Variants in CSGALNACT1 observed in about 807,000 individuals in gnomAD.
The protein encoded by CSGALNACT1 is chondroitin sulfate N-acetylgalactosaminyltransferase 1.
A neutral mutation model predicts 51.0 loss-of-function variants in CSGALNACT1; 52 were observed. The ratio of observed to expected loss-of-function variants is 1.02; its 90% CI spans 0.82 to 1.29. The LOEUF (loss-of-function observed/expected upper bound fraction) is 1.29. CSGALNACT1 is among the 50% of genes most tolerant of loss of function. The pLI is 0.00. For synonymous variants in CSGALNACT1, 341 were observed against 254.4 expected, an observed-to-expected ratio of 1.34 and a Z score of -3.24; for missense variants, 935 against 679.2, an observed-to-expected ratio of 1.38 and a Z score of -4.19.
intron 1 of CSGALNACT1, among the ~76,000 whole-genome samples, chr8:19,612,142 A>C (rs2052350276): frequency 6.6e-6 from 1 of 152,104 alleles, no homozygotes; most frequent in Non-Finnish European, 1.5e-5. Flanking sequence ...CAGGAGCTCG[A>C]GACCTGCCTA....
At chr8:19,741,406 T>C (rs1417831225) in intron 1 of CSGALNACT1, among the ~76,000 whole-genome samples, 8 of 151,850 alleles carry the variant, frequency 5.3e-5, no homozygotes, top group African/African-American at 1.9e-4. Context: ...CTACTAAAAA[T>C]ACAAAAATTA....
chr8:19,494,469 T>C (rs1392313510), intron 4 of CSGALNACT1, among the ~76,000 whole-genome samples: 1 of 152,192 alleles, frequency 6.6e-6, no homozygotes, highest in Non-Finnish European at 1.5e-5. Context: ...TCCTTACCTG[T>C]GTACATGGGT....
chr8:19,604,871 C>T (rs1273063527), upstream of CSGALNACT1, among the ~76,000 whole-genome samples: 1 of 148,254 alleles, frequency 6.7e-6, no homozygotes, highest in African/African-American at 2.5e-5. Flanking sequence ...GCCAAGATCG[C>T]GCCACTGCCC....
intron 3 of CSGALNACT1, among the ~76,000 whole-genome samples, chr8:19,564,113 G>T (rs186845206): frequency 2.0e-5 from 3 of 152,116 alleles, no homozygotes; most frequent in Admixed American, 1.3e-4. Flanking sequence ...CAGTTAAAAC[G>T]CTTCTTTCAC....
At chr8:19,431,616 A>G (rs1464885292) in intron 6 of CSGALNACT1, among the ~76,000 whole-genome samples, 1 of 151,984 alleles carries the variant, frequency 6.6e-6, no homozygotes, top group African/African-American at 2.4e-5. Context: ...ATACTGATCT[A>G]TAGTTTTCTT....
At chr8:19,438,907 A>G (rs1202503592) in intron 6 of CSGALNACT1, among the ~76,000 whole-genome samples, 1 of 152,234 alleles carries the variant, frequency 6.6e-6, no homozygotes, top group Non-Finnish European at 1.5e-5. Flanking sequence ...TTACCCTTCG[A>G]CTATCATCCT....
At chr8:19,620,626 G>A (rs952231813) in intron 1 of CSGALNACT1, among the ~76,000 whole-genome samples, 2 of 151,832 alleles carry the variant, frequency 1.3e-5, no homozygotes, top group African/African-American at 4.8e-5. Flanking sequence ...TTGAGATGGG[G>A]GTCTCACTAC....
chr8:19,606,008 C>A (rs1436097285), upstream of CSGALNACT1, among the ~76,000 whole-genome samples: 1 of 152,184 alleles, frequency 6.6e-6, no homozygotes, highest in Non-Finnish European at 1.5e-5. Flanking sequence ...AAATATCCAT[C>A]CAGCTGCCTT....
At chr8:19,582,894 G>C (rs915135544) in intron 3 of CSGALNACT1, among the ~76,000 whole-genome samples, 1 of 152,048 alleles carries the variant, frequency 6.6e-6, no homozygotes, top group Non-Finnish European at 1.5e-5. Context: ...CAAATGACAG[G>C]CTCACTTGGA....
chr8:19,610,248 C>A (rs937374290), intron 1 of CSGALNACT1, among the ~76,000 whole-genome samples: 1 of 142,692 alleles, frequency 7.0e-6, no homozygotes, highest in African/African-American at 2.8e-5. Context: ...CAAAATTGTG[C>A]CACTGAACTC....
chr8:19,577,174 G>C (rs2044424507), intron 3 of CSGALNACT1, among the ~76,000 whole-genome samples: 1 of 152,164 alleles, frequency 6.6e-6, no homozygotes, highest in Non-Finnish European at 1.5e-5. Flanking sequence ...CCTAGAAATA[G>C]ACTGAGAGTT....
At chr8:19,677,431 G>T (rs1301271589) in intron 1 of CSGALNACT1, among the ~76,000 whole-genome samples, 2 of 152,130 alleles carry the variant, frequency 1.3e-5, no homozygotes, top group African/African-American at 2.4e-5. Context: ...TTTGTAAGAT[G>T]AAAGATATTT....
At chr8:19,677,624 T>C (rs1276075119) in intron 1 of CSGALNACT1, among the ~76,000 whole-genome samples, 1 of 152,168 alleles carries the variant, frequency 6.6e-6, no homozygotes, top group Non-Finnish European at 1.5e-5. Context: ...AATCAGTCTA[T>C]AAGTTCAGAT....
exon 4 of CSGALNACT1, chr8:19,505,369 C>G: frequency 6.2e-7 from 1 of 1,614,244 alleles, no homozygotes; most frequent in Non-Finnish European, 8.5e-7. Flanking sequence ...AGCTGGTACA[C>G]CTTCTGTAGA....
chr8:19,445,790 A>T (rs974952052), intron 5 of CSGALNACT1, among the ~76,000 whole-genome samples: 1 of 152,194 alleles, frequency 6.6e-6, no homozygotes, highest in Admixed American at 6.5e-5. Context: ...AATAATTCTG[A>T]GTAAACTCCA....
intron 1 of CSGALNACT1, among the ~76,000 whole-genome samples, chr8:19,611,330 G>A (rs1431152688): frequency 2.0e-5 from 3 of 152,146 alleles, no homozygotes; most frequent in African/African-American, 2.4e-5. Flanking sequence ...AGGTAGCTGG[G>A]ATTAGAGGTG....
At chr8:19,409,211 A>C (rs895998229) in intron 8 of CSGALNACT1, among the ~76,000 whole-genome samples, 32 of 152,308 alleles carry the variant, frequency 2.1e-4, no homozygotes, top group African/African-American at 7.7e-4. Context: ...AATAAAAAGA[A>C]ATATCTGAGA....
At chr8:19,658,724 G>T (rs1166467698) in intron 1 of CSGALNACT1, among the ~76,000 whole-genome samples, 1 of 151,938 alleles carries the variant, frequency 6.6e-6, no homozygotes, top group Non-Finnish European at 1.5e-5. Flanking sequence ...ACAAAGCAAG[G>T]CCCTGTCTCA....
intron 1 of CSGALNACT1, among the ~76,000 whole-genome samples, chr8:19,752,979 C>T (rs889318250): frequency 5.9e-5 from 9 of 152,310 alleles, no homozygotes; most frequent in African/African-American, 1.9e-4. Flanking sequence ...TTCCTCTCAA[C>T]TCAGCCATCC....
Sources: gnomAD v4.1 joint callset for allele counts (sites outside exome capture counted in the v4.1 genomes callset) on GRCh38, gnomAD v4.1.1 for gene constraint, MANE v1.5 for transcripts, NCBI Gene and HGNC (gene_info 2026-07-23, HGNC 2026-07-21) for gene names.